The following LRBA variants were observed in gnomAD, a reference collection of about 807,000 sequenced individuals.
LRBA encodes the protein LPS responsive beige-like anchor protein, also known as lipopolysaccharide-responsive and beige-like anchor protein.
In LRBA, 176 loss-of-function variants were observed where a neutral mutation model predicts 330.0. The ratio of observed to expected loss-of-function variants is 0.53; its 90% CI spans 0.47 to 0.60. LRBA has a LOEUF of 0.60. Among genes scored for constraint, LRBA ranks in the 20% least tolerant of loss-of-function variants. The pLI is 0.00. For synonymous variants in LRBA, 1,230 were observed against 1,193.0 expected (o/e 1.03, Z -0.64); for missense variants, 3,259 against 3,444.8 (o/e 0.95, Z 1.35).
chr4:150,859,304 GGTGTTA>G, intron 22 of LRBA, among the ~76,000 whole-genome samples: 1 of 152,044 alleles, frequency 6.6e-6, no homozygotes, highest in Non-Finnish European at 1.5e-5. Context: ...CAGTATCTAA[GGTGTTA>G]GTTTTATGTG....
intron 48 of LRBA, among the ~76,000 whole-genome samples, chr4:150,340,188 T>C (rs1213772260): frequency 6.6e-6 from 1 of 152,172 alleles, no homozygotes. Context: ...TCCTTTAGAA[T>C]TACCCAGTCT....
At chr4:150,843,209 A>T (rs187498122) in intron 28 of LRBA, among the ~76,000 whole-genome samples, 2 of 152,204 alleles carry the variant, frequency 1.3e-5, no homozygotes, top group African/African-American at 4.8e-5. Context: ...TAAGTATTCA[A>T]TACTATTAAG....
intron 27 of LRBA, among the ~76,000 whole-genome samples, chr4:150,844,412 C>T (rs1360406991): frequency 6.6e-6 from 1 of 151,760 alleles, no homozygotes; most frequent in African/African-American, 2.4e-5. Flanking sequence ...GAAAAAATGA[C>T]ATATTTGAAG....
chr4:150,617,220 G>A (rs1212483555), intron 37 of LRBA, among the ~76,000 whole-genome samples: 7 of 152,096 alleles, frequency 4.6e-5, no homozygotes, highest in Non-Finnish European at 1.0e-4. Flanking sequence ...ACTAAAATAT[G>A]AACTATCTCA....
At chr4:150,415,351 A>G (rs1401380275) in intron 47 of LRBA, 87 bp downstream of exon 47, 3 of 1,198,902 alleles carry the variant, frequency 2.5e-6, no homozygotes, top group East Asian at 2.4e-5. Flanking sequence ...TGTCCAGAAG[A>G]GCAAGGGTTA....
At chr4:150,916,767 C>A in intron 5 of LRBA, 29 bp from the exon 6 acceptor site, 3 of 1,506,566 alleles carry the variant, frequency 2.0e-6, no homozygotes, top group South Asian at 1.4e-5. Context: ...GAGTTATTAA[C>A]TCACGTGAAA....
intron 2 of LRBA, among the ~76,000 whole-genome samples, chr4:150,994,147 A>G (rs1044442040): frequency 3.3e-5 from 5 of 152,076 alleles, no homozygotes; most frequent in African/African-American, 1.2e-4. Context: ...GCATAGCTAA[A>G]CAATACTAGG....
chr4:150,286,067 A>G, intron 53 of LRBA, 33 bp from the exon 54 acceptor site: 5 of 1,400,448 alleles, frequency 3.6e-6, no homozygotes, highest in Non-Finnish European at 4.9e-6. Context: ...AGAACAAATC[A>G]ATTCAATTTC....
intron 34 of LRBA, among the ~76,000 whole-genome samples, chr4:150,776,779 CAGCCTGG>C (rs11279304): frequency 0.7 from 106,297 of 151,192 alleles, 42,279 homozygotes; most frequent in Non-Finnish European, 0.9. Context: ...CACTGCACTC[CAGCCTGG>C]ATGACAAAGT....
intron 40 of LRBA, among the ~76,000 whole-genome samples, chr4:150,498,534 CA>C (rs1428567571): frequency 6.6e-6 from 1 of 151,838 alleles, no homozygotes; most frequent in African/African-American, 2.4e-5. Context: ...AATGAACCCG[CA>C]AAAGGATATT....
intron 47 of LRBA, among the ~76,000 whole-genome samples, chr4:150,369,680 G>A (rs1739976760): frequency 2.5e-5 from 1 of 40,212 alleles, no homozygotes; most frequent in South Asian, 3.3e-4. Context: ...CAAACTTTTT[G>A]ACAGATTTTG....
At chr4:150,500,536 C>T (rs1284071395) in intron 40 of LRBA, among the ~76,000 whole-genome samples, 3 of 152,106 alleles carry the variant, frequency 2.0e-5, no homozygotes, top group African/African-American at 4.8e-5. Context: ...TGAGATCGGA[C>T]TACTGCACTC....
intron 47 of LRBA, among the ~76,000 whole-genome samples, chr4:150,393,152 G>A (rs956274581): frequency 1.3e-5 from 2 of 152,056 alleles, no homozygotes; most frequent in Middle Eastern, 3.4e-3. Flanking sequence ...TCTGATTAAC[G>A]ACATTCTGGA....
chr4:150,811,085 C>T (rs1305460362), intron 31 of LRBA, among the ~76,000 whole-genome samples: 2 of 152,136 alleles, frequency 1.3e-5, no homozygotes, highest in African/African-American at 4.8e-5. Context: ...AAATCATATA[C>T]AACACTCAGT....
chr4:150,647,390 T>C (rs550788129), intron 37 of LRBA, among the ~76,000 whole-genome samples: 3 of 122,990 alleles, frequency 2.4e-5, no homozygotes, highest in South Asian at 5.6e-4. Flanking sequence ...CAGGGTCTCA[T>C]GCTGTTGCCT....
intron 17 of LRBA, among the ~76,000 whole-genome samples, chr4:150,886,234 G>A (rs1232799260): frequency 6.6e-6 from 1 of 152,168 alleles, no homozygotes; most frequent in Non-Finnish European, 1.5e-5. Context: ...TCTCTCTTCT[G>A]AATCTGCCCC....
intron 2 of LRBA, among the ~76,000 whole-genome samples, chr4:150,980,238 A>C (rs767197758): frequency 1.1e-4 from 17 of 152,358 alleles, no homozygotes; most frequent in South Asian, 6.2e-4. Flanking sequence ...AGATCATTTC[A>C]ACTGATGCTG....
At chr4:150,516,024 A>G in intron 40 of LRBA, among the ~76,000 whole-genome samples, 1 of 152,162 alleles carries the variant, frequency 6.6e-6, no homozygotes, top group East Asian at 1.9e-4. Flanking sequence ...TTAAAGTGAC[A>G]ATAGGACTTT....
intron 48 of LRBA, among the ~76,000 whole-genome samples, chr4:150,334,797 T>C (rs1734429907): frequency 6.6e-6 from 1 of 150,862 alleles, no homozygotes. Context: ...AAATATTTGG[T>C]ATATCATTAT....
Sources: allele counts gnomAD v4.1 joint callset (sites outside exome capture counted in the v4.1 genomes callset), GRCh38; gene constraint gnomAD v4.1.1; transcripts MANE v1.5; gene names NCBI Gene and HGNC (gene_info 2026-07-23, HGNC 2026-07-21).